MACF1: variants seen among roughly 807,000 people sequenced by gnomAD.
The protein encoded by MACF1 is microtubule actin crosslinking factor 1, also known as microtubule-actin cross-linking factor 1.
In MACF1, 193 loss-of-function variants were observed where a neutral mutation model predicts 854.8. The ratio of observed to expected loss-of-function variants is 0.23; its 90% CI spans 0.20 to 0.25. MACF1 has a LOEUF of 0.25. Among genes scored for constraint, MACF1 ranks in the 10% least tolerant of loss-of-function variants. The pLI, the probability that MACF1 is intolerant of heterozygous loss-of-function variation, is 1.00. For synonymous variants in MACF1, 3,185 were observed against 3,226.7 expected, an observed-to-expected ratio of 0.99 and a Z score of 0.44; for missense variants, 7,722 against 8,929.1, an observed-to-expected ratio of 0.86 and a Z score of 5.45.
rs766524789 is a variant in MACF1, at chr1:39,430,048, C to A, written c.17110C>A (p.Gln5704Lys). Residue 5704 changes from glutamine (Q) to lysine (K), a missense_variant, in exon 65 of 101, where the codon CAG becomes AAG. Physicochemically the swap from Gln to Lys is moderately conservative, Grantham distance 53. Around this residue, in one of 15 missense-constraint regions of MACF1, gnomAD observed 2,807 missense variants for 3,235.8 expected, o/e 0.87. Transcript: ENST00000564288. ...GQSPTGEQIP[Q>K]FQQRQKELKK... is the part of the protein sequence containing the mutation. ...GTCTCCCACAGGGGAACAGATACCCCAGTTTCAGCAGAGACAGAAGGTGAG... is the reference window on the plus strand; with the variant it reads ...GTCTCCCACAGGGGAACAGATACCCAAGTTTCAGCAGAGACAGAAGGTGAG... 1.2e-6 allele frequency: 2 copies of A among 1,613,768 alleles called. No homozygotes were observed. The highest frequency in any genetic ancestry group is 2.2e-5 in the South Asian group (2 of 91,056).
intron 2 of MACF1, among the ~76,000 whole-genome samples, chr1:39,182,526 A>G (rs1644118037): frequency 6.6e-6 from 1 of 152,190 alleles, no homozygotes; most frequent in South Asian, 2.1e-4. Flanking sequence ...AGAAAACCCA[A>G]TAAAAAAATG....
At chr1:39,305,767 C>T (rs1309501664) in intron 23 of MACF1, among the ~76,000 whole-genome samples, 1 of 152,174 alleles carries the variant, frequency 6.6e-6, no homozygotes, top group African/African-American at 2.4e-5. Context: ...TCTGGTCTTT[C>T]CTCTGTTTCT....
Position 39,437,927 on chromosome 1 carries a change from C to G in MACF1, c.18139C>G (p.Pro6047Ala). ...CACCGTGGAGCTAGAAAAACTGCAG[C>G]CATCCTTTGAGGCCTTGAAGCGCCG... ...SATVELEKLQ[P>A]SFEALKRRGE... The change falls in exon 71 of 101, where the codon CCA becomes GCA. Residue 6047 changes from proline to alanine, a missense_variant. This residue lies in a region of MACF1 where 2,807 missense variants were observed against 3,235.8 expected (regional missense o/e 0.87). Coordinates refer to ENST00000564288, the MANE Select transcript of MACF1 (RefSeq NM_001394062.1). 6.2e-7 allele frequency: 1 copy of G among 1,614,096 alleles called. No individual in the cohort carries two copies. Among genetic ancestry groups the G allele is most frequent in the Non-Finnish European group, 8.5e-7 (1 of 1,180,010 alleles).
chr1:39,371,248 G>C (rs1649204609), intron 51 of MACF1, among the ~76,000 whole-genome samples: 1 of 150,726 alleles, frequency 6.6e-6, no homozygotes, highest in Non-Finnish European at 1.5e-5. Flanking sequence ...AACTTGGGAG[G>C]TGGAGGTTGC....
intron 2 of MACF1, among the ~76,000 whole-genome samples, chr1:39,234,633 C>T (rs1272357218): frequency 3.3e-5 from 2 of 60,392 alleles, no homozygotes; most frequent in African/African-American, 6.9e-5. Context: ...GGCGGCTGGC[C>T]GGGCGGGGGG....
intron 31 of MACF1, among the ~76,000 whole-genome samples, chr1:39,322,143 A>G (rs1234460861): frequency 6.6e-6 from 1 of 152,174 alleles, no homozygotes; most frequent in East Asian, 1.9e-4. Context: ...TTAGTTAATT[A>G]GGGAAATTCA....
At chr1:39,220,628 G>A (rs774636416) in intron 1 of MACF1, among the ~76,000 whole-genome samples, 30 of 151,362 alleles carry the variant, frequency 2.0e-4, no homozygotes, top group Non-Finnish European at 3.4e-4. Context: ...GATTACATGC[G>A]TGCACCACCA....
At chr1:39,366,701 T>C (rs1569732552) in intron 49 of MACF1, among the ~76,000 whole-genome samples, 2 of 151,272 alleles carry the variant, frequency 1.3e-5, no homozygotes, top group African/African-American at 4.8e-5. Flanking sequence ...ATATACTTTT[T>C]TTTTTTTTTT....
At chr1:39,180,398 T>G (rs192145186) in intron 2 of MACF1, among the ~76,000 whole-genome samples, 2 of 152,186 alleles carry the variant, frequency 1.3e-5, no homozygotes, top group Non-Finnish European at 2.9e-5. Context: ...GGTGGATCAC[T>G]TGGGGTCAGG....
intron 2 of MACF1, among the ~76,000 whole-genome samples, chr1:39,244,699 C>T (rs1477963325): frequency 6.6e-6 from 1 of 152,062 alleles, no homozygotes; most frequent in Non-Finnish European, 1.5e-5. Context: ...CTGCCTCATC[C>T]TCCCCAGTAG....
rs149715161 is a variant in MACF1, at chr1:39,173,709, G to C, written c.221-57473G>C. The stretch of plus-strand genomic sequence containing the variant: ...TTAACTGAAGGTCCAGAGTTACTGA[G>C]GGGCGGCTGTGTTTGTTTTTCAGTA... On this transcript the variant is annotated intron_variant, in intron 2 of 93. Coordinates refer to the MACF1 transcript ENST00000361689. Among the ~76,000 whole-genome samples the C allele has an allele frequency of 2.7e-3, 411 of 152,302 alleles. 5 individuals carry two copies. Among genetic ancestry groups the C allele is most frequent in the African/African-American group, 9.6e-3 (400 of 41,564 alleles).
chr1:39,429,270 A>G lies in MACF1; in HGVS notation c.16832A>G (p.Lys5611Arg). The change falls in exon 64 of 101, where the codon AAG becomes AGG. Residue 5611 changes from lysine to arginine, a missense_variant. Around this residue, in one of 15 missense-constraint regions of MACF1, gnomAD observed 2,807 missense variants for 3,235.8 expected, o/e 0.87. Coordinates refer to ENST00000564288, the MANE Select transcript of MACF1 (RefSeq NM_001394062.1). ...LALNEEIVNRKKNVDQAIKNG... is the reference protein window; with the variant it reads ...LALNEEIVNRRKNVDQAIKNG... ...TTAAATGAAGAAATTGTTAATAGAA[A>G]GAAGAATGTAGATCAAGCTATTAAA... is the stretch of plus-strand genomic sequence containing the variant. The G allele has an allele frequency of 6.3e-7, 1 of 1,575,400 alleles. No individual in the cohort carries two copies. The highest frequency in any genetic ancestry group is 8.7e-7 in the Non-Finnish European group (1 of 1,145,882).
At chr1:39,131,147 C>T (rs1452013599) in intron 2 of MACF1, among the ~76,000 whole-genome samples, 5 of 122,698 alleles carry the variant, frequency 4.1e-5, no homozygotes, top group South Asian at 2.9e-4. Context: ...CCACTGCGCC[C>T]GGCCTTTTTT....
Position 39,370,256 on chromosome 1 carries a change from A to AG in MACF1, c.13095+71dup, listed in dbSNP as rs1165660099. On this transcript the variant is annotated intron_variant, in intron 51 of 100. Transcript: ENST00000564288. Reference sequence around the variant, plus strand: ...TGAATACTTGTATTAACTGGTCTCCAGCTGTGGTGGGGAAATGTATGAGAA... The same window carrying AG: ...TGAATACTTGTATTAACTGGTCTCCAGGCTGTGGTGGGGAAATGTATGAGAA... 1.1e-5 allele frequency: 15 copies of AG among 1,360,244 alleles called. No individual in the cohort carries two copies. The African/African-American group carries it at 2.2e-4, about 20-fold the overall frequency. 84.3% of individuals were successfully genotyped at this position (1,360,244 alleles called of 1,614,324 possible). A position where few individuals can be genotyped will look rare whatever the true frequency, so the allele number is the denominator to read the frequency against.
chr1:39,125,069 A>G (rs1213923254), intron 2 of MACF1, among the ~76,000 whole-genome samples: 1 of 152,218 alleles, frequency 6.6e-6, no homozygotes, highest in Non-Finnish European at 1.5e-5. Context: ...CTATTTCCTT[A>G]TTATAAAAAT....
At chr1:39,306,747 A>C (rs1422085623) in intron 23 of MACF1, among the ~76,000 whole-genome samples, 1 of 149,980 alleles carries the variant, frequency 6.7e-6, no homozygotes, top group Non-Finnish European at 1.5e-5. Context: ...GGTGGATTAC[A>C]CTCTCCAATG....
intron 2 of MACF1, among the ~76,000 whole-genome samples, chr1:39,138,498 T>G (rs1305053036): frequency 6.6e-6 from 1 of 150,972 alleles, no homozygotes; most frequent in Non-Finnish European, 1.5e-5. Context: ...GGTGGGAGAA[T>G]GGCGTGAACC....
At chr1:39,304,566 T>TA in intron 23 of MACF1, 1 of 359,206 alleles carries the variant, frequency 2.8e-6, no homozygotes, top group Non-Finnish European at 4.6e-6. Flanking sequence ...CTTTTCTTTC[T>TA]TTTTTTTTTT....
At chr1:39,236,600 A>T (rs1208103903) in intron 2 of MACF1, among the ~76,000 whole-genome samples, 1 of 152,158 alleles carries the variant, frequency 6.6e-6, no homozygotes, top group African/African-American at 2.4e-5. Context: ...ATTGTGTCTT[A>T]TTGTTTATAG....
Sources: gnomAD v4.1 joint callset for allele counts (sites outside exome capture counted in the v4.1 genomes callset) on GRCh38, gnomAD v4.1.1 for gene constraint, gnomAD v4.1.1 regional missense constraint, MANE v1.5 for transcripts, NCBI Gene and HGNC (gene_info 2026-07-23, HGNC 2026-07-21) for gene names.